TEX11: variants seen among roughly 807,000 people sequenced by gnomAD.
The protein encoded by TEX11 is testis expressed 11.
TEX11 carries 7 observed loss-of-function variants against 84.4 expected under a neutral mutation model. That is an observed-to-expected ratio of 0.08 (90% CI 0.05 to 0.16). TEX11 has a LOEUF of 0.16. Among genes scored for constraint, TEX11 ranks in the 10% least tolerant of loss-of-function variants. The pLI, the probability that TEX11 is intolerant of heterozygous loss-of-function variation, is 1.00. For missense variants in TEX11, 551 were observed against 660.5 expected, an observed-to-expected ratio of 0.83 and a Z score of 1.82; for synonymous variants, 264 against 222.8, an observed-to-expected ratio of 1.18 and a Z score of -1.64.
intron 7 of TEX11, among the ~76,000 whole-genome samples, chrX:70,845,759 T>A (rs1019715554): frequency 9.0e-6 from 1 of 110,526 alleles, no homozygotes; most frequent in African/African-American, 3.3e-5. Context: ...ACCCAGGAGG[T>A]GGAGTTTGCA....
chrX:70,821,115 A>G (rs754530523), intron 8 of TEX11, among the ~76,000 whole-genome samples: 8 of 111,996 alleles, frequency 7.1e-5, no homozygotes, highest in Admixed American at 9.5e-5. Context: ...CTGATGAGGA[A>G]TTAATGTGCA....
At chrX:70,730,641 A>G (rs1358359820) in intron 11 of TEX11, among the ~76,000 whole-genome samples, 1 of 112,007 alleles carries the variant, frequency 8.9e-6, no homozygotes, top group Non-Finnish European at 1.9e-5. Context: ...AGAAGCACCC[A>G]GATTCATAAA....
At chrX:70,668,141 C>T (rs1001188070) in intron 16 of TEX11, among the ~76,000 whole-genome samples, 1 of 111,533 alleles carries the variant, frequency 9.0e-6, no homozygotes, top group African/African-American at 3.3e-5. Context: ...AAGGAGAAAG[C>T]ATGGGTGCTT....
intron 8 of TEX11, among the ~76,000 whole-genome samples, chrX:70,812,165 T>C (rs1220535073): frequency 9.1e-6 from 1 of 109,550 alleles, no homozygotes; most frequent in Non-Finnish European, 1.9e-5. Context: ...TAGGTTTTCA[T>C]GGTTTTAGGA....
chrX:70,900,827 A>G (rs1834641828), intron 2 of TEX11, among the ~76,000 whole-genome samples: 1 of 110,586 alleles, frequency 9.0e-6, no homozygotes, highest in Non-Finnish European at 1.9e-5. Flanking sequence ...GCCTGCAGTC[A>G]TAGCTACTCA....
At chrX:70,816,689 G>T (rs1188701194) in intron 8 of TEX11, among the ~76,000 whole-genome samples, 1 of 107,374 alleles carries the variant, frequency 9.3e-6, no homozygotes, top group Non-Finnish European at 1.9e-5. Flanking sequence ...TCCAGCCTGG[G>T]TGACAGAGTG....
intron 13 of TEX11, among the ~76,000 whole-genome samples, chrX:70,685,923 T>C (rs970522886): frequency 9.0e-6 from 1 of 110,870 alleles, no homozygotes; most frequent in Admixed American, 9.6e-5. Flanking sequence ...TTGACAAGGT[T>C]TTTTTTTTCT....
chrX:70,782,410 T>G (rs1040927276), intron 9 of TEX11, among the ~76,000 whole-genome samples: 3 of 110,298 alleles, frequency 2.7e-5, no homozygotes, highest in African/African-American at 9.9e-5. Flanking sequence ...ACTGCATCAA[T>G]TAACGGGCAA....
chrX:70,541,526 G>A (rs907992474), intron 28 of TEX11, among the ~76,000 whole-genome samples: 1 of 111,782 alleles, frequency 8.9e-6, no homozygotes, highest in African/African-American at 3.3e-5. Context: ...AGGCCAAGGC[G>A]AGCAGATCAC....
At chrX:70,655,621 T>C (rs898822071) in intron 16 of TEX11, among the ~76,000 whole-genome samples, 1 of 111,594 alleles carries the variant, frequency 9.0e-6, no homozygotes, top group African/African-American at 3.3e-5. Flanking sequence ...CACATTTTTT[T>C]CAAGCACACA....
At chrX:70,691,372 C>A (rs1282842725) in intron 13 of TEX11, among the ~76,000 whole-genome samples, 1 of 111,952 alleles carries the variant, frequency 8.9e-6, no homozygotes, top group African/African-American at 3.2e-5. Flanking sequence ...CACTCATATT[C>A]ATAGCATTAT....
At chrX:70,654,774 A>G (rs1225055618) in intron 16 of TEX11, among the ~76,000 whole-genome samples, 1 of 109,226 alleles carries the variant, frequency 9.2e-6, no homozygotes, top group Non-Finnish European at 1.9e-5. Context: ...ACAGATTTAA[A>G]CTCAGATATA....
At chrX:70,521,506 A>T in the TEX11 span, among the ~76,000 whole-genome samples, 1 of 111,033 alleles carries the variant, frequency 9.0e-6, no homozygotes, top group Non-Finnish European at 1.9e-5. Flanking sequence ...CGAACTCCTG[A>T]CCTCAGGTGA....
chrX:70,824,127 G>A (rs2091332624), intron 8 of TEX11, among the ~76,000 whole-genome samples: 1 of 112,102 alleles, frequency 8.9e-6, no homozygotes, highest in East Asian at 2.8e-4. Flanking sequence ...AACCTCGACA[G>A]AATGCACTTA....
chrX:70,609,775 T>A (rs1045447515), intron 21 of TEX11, among the ~76,000 whole-genome samples: 5 of 111,673 alleles, frequency 4.5e-5, no homozygotes. Flanking sequence ...AGATATGAAC[T>A]TTTTGGTGTG....
At chrX:70,704,971 T>C (rs2090358323) in intron 13 of TEX11, among the ~76,000 whole-genome samples, 1 of 111,898 alleles carries the variant, frequency 8.9e-6, no homozygotes, top group Non-Finnish European at 1.9e-5. Context: ...TTAATTTTAG[T>C]ATAAGGTGTA....
At chrX:70,855,212 T>G (rs1181991062) in intron 5 of TEX11, among the ~76,000 whole-genome samples, 1 of 110,543 alleles carries the variant, frequency 9.0e-6, no homozygotes. Context: ...TAATATGAGA[T>G]AAATCCTCAT....
intron 9 of TEX11, among the ~76,000 whole-genome samples, chrX:70,759,023 T>C (rs2090889554): frequency 9.0e-6 from 1 of 111,357 alleles, no homozygotes; most frequent in Non-Finnish European, 1.9e-5. Flanking sequence ...CTAGAAGAAA[T>C]GATAAATTCC....
intron 28 of TEX11, among the ~76,000 whole-genome samples, chrX:70,530,204 A>C (rs947874671): frequency 5.4e-5 from 6 of 111,548 alleles, no homozygotes; most frequent in African/African-American, 2.0e-4. Context: ...AGATCTCATG[A>C]AGAGACGTAA....
Sources: allele counts gnomAD v4.1 joint callset (sites outside exome capture counted in the v4.1 genomes callset), GRCh38; gene constraint gnomAD v4.1.1; transcripts MANE v1.5; gene names NCBI Gene and HGNC (gene_info 2026-07-23, HGNC 2026-07-21).